Variants in MAD1L1 observed in about 807,000 individuals in gnomAD.
MAD1L1 encodes the protein mitotic arrest deficient 1 like 1.
A neutral mutation model predicts 96.9 loss-of-function variants in MAD1L1; 95 were observed. The ratio of observed to expected loss-of-function variants is 0.98; its 90% CI spans 0.83 to 1.16. MAD1L1 has a LOEUF of 1.16. Among genes scored for constraint, MAD1L1 ranks in the 50% most tolerant of loss-of-function variants. MAD1L1 has a pLI of 0.00. For synonymous variants in MAD1L1, 473 were observed against 396.6 expected (o/e 1.19, Z -2.29); for missense variants, 1,007 against 954.4 (o/e 1.06, Z -0.73).
intron 10 of MAD1L1, among the ~76,000 whole-genome samples, chr7:2,204,761 C>G (rs1261711410): frequency 6.6e-6 from 1 of 152,216 alleles, no homozygotes; most frequent in Non-Finnish European, 1.5e-5. Context: ...CTGTACAAGT[C>G]TTCATGAGAC....
rs562006823 is a variant in MAD1L1, at chr7:1,980,453, C to T, written c.1505G>A (p.Arg502Lys). The change falls in exon 15 of 19, where the codon AGG (arginine) becomes AAG (lysine). Residue 502 changes from arginine to lysine, a missense_variant and splice_region_variant. Transcript: ENST00000265854. ...TCCGCCTCCTCTCTGGGGGACGTAC[C>T]TGAGCGTGTCCGCCTCCTCCCTGGA... ...LFSREEADTL[R>K]LKVEELEGER... The T allele has an allele frequency of 1.0e-4, 162 of 1,610,670 alleles. 1 individual carries two copies. Among genetic ancestry groups the T allele is most frequent in the Non-Finnish European group, 1.3e-4 (159 of 1,178,704 alleles).
In MAD1L1 at chr7:2,139,520, C is replaced by G. The variant is rs570748403; in HGVS notation, c.1073+9632G>C. On this transcript the variant is annotated intron_variant, in intron 11 of 18. Coordinates refer to ENST00000265854, the MANE Select transcript of MAD1L1 (RefSeq NM_001013836.2). ...CCAGACACTACCAATGACCCAGCAC[C>G]CTGAGAGTATGGAAAATACAACACT... Among the ~76,000 whole-genome samples, 6 of 152,370 alleles carry G rather than the reference C, an allele frequency of 3.9e-5. No individual in the cohort carries two copies. The South Asian group carries it at 1.0e-3, about 26-fold the overall frequency.
intron 16 of MAD1L1, among the ~76,000 whole-genome samples, chr7:1,950,420 T>C (rs956394318): frequency 7.2e-5 from 11 of 152,232 alleles, no homozygotes; most frequent in Non-Finnish European, 2.9e-5. Flanking sequence ...CATCAGCAGA[T>C]GAAGGACTCT....
intron 11 of MAD1L1, among the ~76,000 whole-genome samples, chr7:2,124,531 C>T (rs1160849146): frequency 6.6e-6 from 1 of 152,210 alleles, no homozygotes. Context: ...GTGGCCCACC[C>T]CAGCCAACAG....
rs1413659434 is a variant in MAD1L1, at chr7:2,103,342, G to A, written c.1074-34004C>T. 6.6e-6 allele frequency among the ~76,000 whole-genome samples: 1 copy of A among 152,062 alleles called. No homozygotes were observed. Among genetic ancestry groups the A allele is most frequent in the African/African-American group, 2.4e-5 (1 of 41,402 alleles). The stretch of plus-strand genomic sequence containing the variant: ...CGCTCCTGCACTCAGTGAAGGCCTG[G>A]GCCTGCCTGCCCCGCCGCTCAGTAG... On this transcript the variant is annotated intron_variant, in intron 11 of 18. Coordinates refer to ENST00000265854, the MANE Select transcript of MAD1L1 (RefSeq NM_001013836.2). This position sits in a 1 kb window ranked among gnomAD's most constrained non-coding sequence, Gnocchi z 4.3.
intron 12 of MAD1L1, among the ~76,000 whole-genome samples, chr7:2,027,182 G>A (rs1380275461): frequency 6.6e-6 from 1 of 152,070 alleles, no homozygotes. Context: ...AAAATCTGAT[G>A]TTTCAAAGCT....
intron 18 of MAD1L1, among the ~76,000 whole-genome samples, chr7:1,875,901 G>A (rs1286849812): frequency 6.6e-6 from 1 of 152,204 alleles, no homozygotes; most frequent in East Asian, 1.9e-4. Context: ...TGATCCAGCA[G>A]GGGCACCAGA....
intron 10 of MAD1L1, among the ~76,000 whole-genome samples, chr7:2,205,927 A>G (rs1249609298): frequency 6.6e-6 from 1 of 152,156 alleles, no homozygotes; most frequent in East Asian, 1.9e-4. Context: ...TGAGGTCAGG[A>G]GTTTGAGACT....
intron 17 of MAD1L1, among the ~76,000 whole-genome samples, chr7:1,917,425 C>T (rs549666787): frequency 9.9e-5 from 15 of 152,270 alleles, no homozygotes; most frequent in African/African-American, 2.9e-4. Context: ...GGGTGAAGGG[C>T]GCACCTCCCC....
intron 10 of MAD1L1, among the ~76,000 whole-genome samples, chr7:2,208,886 G>A (rs926315471): frequency 2.0e-5 from 3 of 151,986 alleles, no homozygotes; most frequent in African/African-American, 4.8e-5. Context: ...GCTCCTGGGA[G>A]ACCAAGCTGA....
At position 2,218,027 on chromosome 7, in the gene MAD1L1, T is replaced by G; in HGVS notation, c.613A>C (p.Asn205His). Residue 205 changes from asparagine (N) to histidine (H), a missense_variant, in exon 7 of 19, where the codon AAT (asparagine) becomes CAT (histidine). Transcript: ENST00000265854. ...GCCTGGAGTTCCTGGATTTTCTGATTGGCTTCCTGGCATTTTCTATTGAAA... is the reference window on the plus strand; with the variant it reads ...GCCTGGAGTTCCTGGATTTTCTGATGGGCTTCCTGGCATTTTCTATTGAAA... ...DLQHKKCQEA[N>H]QKIQELQASQ... The G allele has an allele frequency of 6.2e-7, 1 of 1,614,024 alleles. No homozygotes were observed. The highest frequency in any genetic ancestry group is 1.3e-5 in the African/African-American group (1 of 75,042).
intron 10 of MAD1L1, among the ~76,000 whole-genome samples, chr7:2,188,996 G>A (rs1196304824): frequency 2.0e-5 from 3 of 152,062 alleles, no homozygotes; most frequent in Admixed American, 6.5e-5. Context: ...AAAATAACGC[G>A]ATTCAAGAAC....
chr7:1,886,841 C>T (rs1786064859), intron 18 of MAD1L1, among the ~76,000 whole-genome samples: 1 of 152,264 alleles, frequency 6.6e-6, no homozygotes, highest in African/African-American at 2.4e-5. Context: ...TGGCCCTAGC[C>T]CTGCACCCTT....
At chr7:2,021,768 C>A (rs935763572) in intron 12 of MAD1L1, among the ~76,000 whole-genome samples, 1 of 151,024 alleles carries the variant, frequency 6.6e-6, no homozygotes, top group African/African-American at 2.4e-5. Flanking sequence ...CTGTCTCAAA[C>A]AAACAAACAA....
chr7:2,044,513 G>GC (rs1783833270), intron 12 of MAD1L1, among the ~76,000 whole-genome samples: 1 of 152,220 alleles, frequency 6.6e-6, no homozygotes, highest in Admixed American at 6.5e-5. Flanking sequence ...TCCCAGAGGA[G>GC]CCCGCAGCAT....
At chr7:1,890,543 A>C (rs1047034981) in intron 18 of MAD1L1, among the ~76,000 whole-genome samples, 1 of 152,190 alleles carries the variant, frequency 6.6e-6, no homozygotes. Context: ...TTGTGAGCCA[A>C]ATACACTCCT....
intron 10 of MAD1L1, among the ~76,000 whole-genome samples, chr7:2,165,091 C>CTGGATGGTTGAGGCAGGAGAA (rs1790360182): frequency 6.6e-6 from 1 of 151,916 alleles, no homozygotes. Flanking sequence ...GTCATCCCAG[C>CTGGATGGTTGAGGCAGGAGAA]TATTCTGGAG....
intron 18 of MAD1L1, among the ~76,000 whole-genome samples, chr7:1,897,837 C>G (rs1477507721): frequency 6.6e-6 from 1 of 152,246 alleles, no homozygotes; most frequent in Non-Finnish European, 1.5e-5. Flanking sequence ...CCCGGCCCCA[C>G]ACGGACTTCA....
rs1789090190 is a variant in MAD1L1 at position 2,142,526 on chromosome 7, C to A, written c.1073+6626G>T. Among the ~76,000 whole-genome samples the A allele has an allele frequency of 6.6e-6, 1 of 152,238 alleles. No individual in the cohort carries two copies. Among genetic ancestry groups the A allele is most frequent in the Admixed American group, 6.5e-5 (1 of 15,282 alleles). The stretch of plus-strand genomic sequence containing the variant: ...GGTTCTCTGCTGCCGGACGGAGCGC[C>A]CCTAGCTGCCACTGAGCCCACGGTG... On this transcript the variant is annotated intron_variant, in intron 11 of 18. Coordinates refer to ENST00000265854, the MANE Select transcript of MAD1L1 (RefSeq NM_001013836.2). The surrounding 1 kb of genome is among the most constrained non-coding windows in gnomAD (Gnocchi z 4.7).
Sources: allele counts gnomAD v4.1 joint callset (sites outside exome capture counted in the v4.1 genomes callset), GRCh38; gene constraint gnomAD v4.1.1; non-coding constraint Gnocchi (gnomAD v3.1); transcripts MANE v1.5; gene names NCBI Gene and HGNC (gene_info 2026-07-23, HGNC 2026-07-21).